Variants in CSNK1G1 observed in about 807,000 individuals in gnomAD.
The protein encoded by CSNK1G1 is casein kinase 1 gamma 1.
CSNK1G1 carries 22 observed loss-of-function variants against 59.6 expected under a neutral mutation model. That is an observed-to-expected ratio of 0.37 (90% CI 0.26 to 0.53). CSNK1G1 has a LOEUF of 0.53. Among genes scored for constraint, CSNK1G1 ranks in the 20% least tolerant of loss-of-function variants. The pLI is 0.89. For synonymous variants in CSNK1G1, 179 were observed against 177.1 expected, an observed-to-expected ratio of 1.01 and a Z score of -0.08; for missense variants, 384 against 519.5, an observed-to-expected ratio of 0.74 and a Z score of 2.54.
At chr15:64,266,377 CT>C (rs1382879159) in intron 2 of CSNK1G1, among the ~76,000 whole-genome samples, 1 of 151,962 alleles carries the variant, frequency 6.6e-6, no homozygotes, top group African/African-American at 2.4e-5. Flanking sequence ...CACCCAGCCC[CT>C]GACCTTGTCT....
chr15:64,301,137 T>G lies in CSNK1G1; in HGVS notation c.-224-414A>C, dbSNP rs928734318. Among the ~76,000 whole-genome samples the G allele has an allele frequency of 3.9e-5, 6 of 152,204 alleles. No homozygotes were observed. The East Asian group carries it at 9.6e-4, about 24-fold the overall frequency. Reference sequence around the variant, plus strand: ...ACTTATAAGAAATTAGACTATTCACTCCCCCATTCCCCTATCCAAGCATTT... The same window carrying G: ...ACTTATAAGAAATTAGACTATTCACGCCCCCATTCCCCTATCCAAGCATTT... On this transcript the variant is annotated intron_variant, in intron 1 of 11. Coordinates refer to ENST00000303052, the MANE Select transcript of CSNK1G1 (RefSeq NM_022048.5).
intron 4 of CSNK1G1, among the ~76,000 whole-genome samples, chr15:64,241,924 A>T (rs56246583): frequency 0.19 from 28,600 of 150,936 alleles, 3,667 homozygotes; most frequent in African/African-American, 0.37. Context: ...TTGTTTTTTT[A>T]AAAAAAAAGA....
Position 64,168,862 on chromosome 15 carries a change from T to A in CSNK1G1, c.*3069A>T, listed in dbSNP as rs1424852972. ...ATTTTTAAGGAAGATCCCACCAGAATCTCCCAGGTCTGGGACCACTTTGAA... is the reference window on the plus strand; with the variant it reads ...ATTTTTAAGGAAGATCCCACCAGAAACTCCCAGGTCTGGGACCACTTTGAA... On this transcript the variant is annotated 3_prime_UTR_variant, in exon 12 of 12. Transcript: ENST00000303052. 1 of 152,246 alleles carries A rather than the reference T, an allele frequency of 6.6e-6. No individual in the cohort carries two copies. Among genetic ancestry groups the A allele is most frequent in the Admixed American group, 6.5e-5 (1 of 15,280 alleles). 9.4% of individuals were successfully genotyped at this position (152,246 alleles called of 1,614,324 possible). A position where few individuals can be genotyped will look rare whatever the true frequency, so the allele number is the denominator to read the frequency against.
chr15:64,310,731 G>A (rs1052775979), intron 1 of CSNK1G1, among the ~76,000 whole-genome samples: 1 of 152,178 alleles, frequency 6.6e-6, no homozygotes, highest in East Asian at 1.9e-4. Flanking sequence ...AAGAGGCCGG[G>A]CACAGCGGCT....
At chr15:64,300,118 G>A (rs942841751) in intron 2 of CSNK1G1, among the ~76,000 whole-genome samples, 2 of 152,080 alleles carry the variant, frequency 1.3e-5, no homozygotes, top group South Asian at 2.1e-4. Flanking sequence ...AAAGCCCATC[G>A]CACACACATA....
At chr15:64,293,976 A>C (rs2140390582) in intron 2 of CSNK1G1, among the ~76,000 whole-genome samples, 1 of 152,354 alleles carries the variant, frequency 6.6e-6, no homozygotes, top group African/African-American at 2.4e-5. Flanking sequence ...ATTTTTGTGT[A>C]TATTGATAAT....
At chr15:64,297,757 G>C (rs1163820868) in intron 2 of CSNK1G1, among the ~76,000 whole-genome samples, 2 of 151,974 alleles carry the variant, frequency 1.3e-5, no homozygotes, top group Admixed American at 6.6e-5. Context: ...TGTGTGTCTA[G>C]GAAAGGAAAT....
chr15:64,268,834 G>A (rs1248911582), intron 2 of CSNK1G1, among the ~76,000 whole-genome samples: 1 of 152,082 alleles, frequency 6.6e-6, no homozygotes, highest in Admixed American at 6.5e-5. Flanking sequence ...ACTGGGATAA[G>A]TGGGTTGGAA....
chr15:64,350,318 C>A (rs28619038), intron 1 of CSNK1G1, among the ~76,000 whole-genome samples: 36,027 of 151,752 alleles, frequency 0.24, 6,425 homozygotes, highest in African/African-American at 0.49. Context: ...ACGGTGAAAC[C>A]CCGTCTCTAC....
intron 1 of CSNK1G1, among the ~76,000 whole-genome samples, chr15:64,354,458 C>T (rs1007222214): frequency 1.3e-4 from 20 of 152,150 alleles, no homozygotes; most frequent in African/African-American, 4.6e-4. Context: ...TATGGTGTAG[C>T]TGAGAAAAAT....
intron 1 of CSNK1G1, among the ~76,000 whole-genome samples, chr15:64,305,630 G>C (rs1049315988): frequency 6.7e-6 from 1 of 149,720 alleles, no homozygotes; most frequent in African/African-American, 2.5e-5. Context: ...GAACTGGGAG[G>C]ATTGTTTGAG....
rs368989582 is a variant in CSNK1G1, at chr15:64,213,980, G to A, written c.589C>T (p.Pro197Ser). Reference protein sequence around the residue: ...DFGLAKEYIDPETKKHIPYRE... With the variant: ...DFGLAKEYIDSETKKHIPYRE... ...TAAGGTATGTGTTTTTTGGTTTCGG[G>A]GTCAATGTATTCCTTGGCCAGTCCA... The change falls in exon 6 of 12, where the codon CCC (proline) becomes TCC (serine). Residue 197 changes from proline to serine, a missense_variant. By Grantham distance (74) the Pro-to-Ser change is moderately conservative. This residue lies in a region of CSNK1G1 where 325 missense variants were observed against 440.9 expected (regional missense o/e 0.74). Coordinates refer to ENST00000303052, the MANE Select transcript of CSNK1G1 (RefSeq NM_022048.5). 2 of 1,613,852 alleles carry A rather than the reference G, an allele frequency of 1.2e-6. No homozygotes were observed. Among genetic ancestry groups the A allele is most frequent in the African/African-American group, 1.3e-5 (1 of 74,886 alleles).
intron 3 of CSNK1G1, among the ~76,000 whole-genome samples, chr15:64,257,171 TTAAA>T (rs761505510): frequency 1.3e-5 from 2 of 151,374 alleles, no homozygotes; most frequent in Non-Finnish European, 2.9e-5. Flanking sequence ...ATTTTTAGCT[TTAAA>T]TAGTGGCCAT....
chr15:64,284,723 C>T (rs1596219332), intron 2 of CSNK1G1, among the ~76,000 whole-genome samples: 1 of 151,986 alleles, frequency 6.6e-6, no homozygotes, highest in Non-Finnish European at 1.5e-5. Flanking sequence ...TAAATGTCTA[C>T]TAGGGAACTA....
chr15:64,318,250 G>A (rs1213729379), intron 1 of CSNK1G1, among the ~76,000 whole-genome samples: 1 of 151,796 alleles, frequency 6.6e-6, no homozygotes, highest in East Asian at 1.9e-4. Context: ...TCTTCTTCCC[G>A]TGACGTATCA....
intron 1 of CSNK1G1, among the ~76,000 whole-genome samples, chr15:64,353,227 A>G (rs1421938080): frequency 1.3e-5 from 2 of 152,216 alleles, no homozygotes; most frequent in Non-Finnish European, 2.9e-5. Flanking sequence ...TTGTCCTCTG[A>G]GTATAAATTA....
chr15:64,224,768 T>C (rs1012680142), intron 4 of CSNK1G1, among the ~76,000 whole-genome samples: 1 of 152,048 alleles, frequency 6.6e-6, no homozygotes, highest in African/African-American at 2.4e-5. Context: ...GAGCTCAAAT[T>C]TGTATGGTGG....
At chr15:64,354,993 A>C (rs990215793) in intron 1 of CSNK1G1, among the ~76,000 whole-genome samples, 26 of 152,216 alleles carry the variant, frequency 1.7e-4, no homozygotes, top group Admixed American at 2.0e-4. Context: ...CTGAGACATC[A>C]CTACACAGCA....
chr15:64,271,711 T>C (rs936631576), intron 2 of CSNK1G1, among the ~76,000 whole-genome samples: 4 of 152,214 alleles, frequency 2.6e-5, no homozygotes, highest in Non-Finnish European at 5.9e-5. Context: ...ATATGCCATG[T>C]GGTGATGAGA....
Sources: gnomAD v4.1 joint callset for allele counts (sites outside exome capture counted in the v4.1 genomes callset) on GRCh38, gnomAD v4.1.1 for gene constraint, gnomAD v4.1.1 regional missense constraint, MANE v1.5 for transcripts, NCBI Gene and HGNC (gene_info 2026-07-23, HGNC 2026-07-21) for gene names.